The following EPS8L2 variants were observed in gnomAD, a reference collection of about 807,000 sequenced individuals.
EPS8L2 encodes the protein epidermal growth factor receptor kinase substrate 8-like protein 2.
EPS8L2 carries 81 observed loss-of-function variants against 99.4 expected under a neutral mutation model. The ratio of observed to expected loss-of-function variants is 0.82; its 90% CI spans 0.68 to 0.98. EPS8L2 has a LOEUF of 0.98. Among genes scored for constraint, EPS8L2 ranks in the 50% least tolerant of loss-of-function variants. The pLI is 0.00. For missense variants in EPS8L2, 1,155 were observed against 968.8 expected (o/e 1.19, Z -2.55); for synonymous variants, 509 against 407.3 (o/e 1.25, Z -3.01).
intron 5 of EPS8L2, 180 bp from the exon 6 acceptor site, chr11:720,417 C>G: frequency 8.7e-7 from 1 of 1,151,712 alleles, no homozygotes; most frequent in Admixed American, 2.4e-5. Context: ...GTTTGGAAGC[C>G]GGGGTCAGCC....
chr11:722,833 A>T, intron 14 of EPS8L2, 28 bp downstream of exon 14: 1 of 1,440,912 alleles, frequency 6.9e-7, no homozygotes, highest in African/African-American at 1.6e-5. Flanking sequence ...CCCCATCCCT[A>T]CCCCAGCCCC....
In EPS8L2 at chr11:720,760, G is replaced by A. The variant is rs747463415; in HGVS notation, c.477+14G>A. On this transcript the variant is annotated intron_variant, in intron 6 of 20. Coordinates refer to ENST00000318562, the MANE Select transcript of EPS8L2 (RefSeq NM_022772.4). ...GATGAGGTGGAGGTGAGGCGGTGCCGGGCGGGGCAGGGTGGGGCCCCGCCG... is the reference window on the plus strand; with the variant it reads ...GATGAGGTGGAGGTGAGGCGGTGCCAGGCGGGGCAGGGTGGGGCCCCGCCG... The A allele has an allele frequency of 1.4e-5, 21 of 1,539,368 alleles. No homozygotes were observed. Among genetic ancestry groups the A allele is most frequent in the Non-Finnish European group, 1.7e-5 (20 of 1,143,056 alleles).
At position 726,767 on chromosome 11, in the gene EPS8L2, C is replaced by T; in HGVS notation, c.2067+16C>T. The T allele has an allele frequency of 6.3e-7, 1 of 1,584,914 alleles. No homozygotes were observed. Among genetic ancestry groups the T allele is most frequent in the Non-Finnish European group, 8.6e-7 (1 of 1,167,234 alleles). ...CTTCCTGGAGGTGAGCCCGCCTGCG[C>T]TCCGGCGCCACGCCCCTCCTGCCCC... On this transcript the variant is annotated intron_variant, in intron 20 of 20. Coordinates refer to ENST00000318562, the MANE Select transcript of EPS8L2 (RefSeq NM_022772.4).
At chr11:710,355 A>G in intron 3 of EPS8L2, 67 bp from the exon 4 acceptor site, 1 of 1,492,454 alleles carries the variant, frequency 6.7e-7, no homozygotes, top group Non-Finnish European at 9.3e-7. Context: ...TTGTGGGTCC[A>G]GTCCCAACTG....
chr11:722,555 G>A lies in EPS8L2; in HGVS notation c.1208+6G>A. 1 of 1,612,538 alleles carries A rather than the reference G, an allele frequency of 6.2e-7. No homozygotes were observed. ...GAGAGCTGGATGCGGCCCCGGTAGG[G>A]CAGGGCAGAGCAGTGCCGGGGCTTC... On this transcript the variant is annotated splice_donor_region_variant and intron_variant, in intron 13 of 20. Transcript: ENST00000318562.
intron 4 of EPS8L2, among the ~76,000 whole-genome samples, chr11:715,841 C>T (rs572500245): frequency 2.6e-5 from 4 of 151,618 alleles, no homozygotes; most frequent in East Asian, 1.9e-4. Flanking sequence ...AGGATGGTCT[C>T]GATCTCATGA....
intron 10 of EPS8L2, 40 bp downstream of exon 10, chr11:721,731 GGGGCCAGCAGGTGCAGGGGACA>G (rs1485236522): frequency 4.7e-6 from 6 of 1,275,724 alleles, no homozygotes; most frequent in Middle Eastern, 4.0e-4. Flanking sequence ...TGCAGGGGAC[GGGGCCAGCAGGTGCAGGGGACA>G]GGGACGGGGA....
chr11:724,365 A>C lies in EPS8L2; in HGVS notation c.1455-359A>C, dbSNP rs1862262595. Among the ~76,000 whole-genome samples the C allele has an allele frequency of 6.6e-6, 1 of 152,134 alleles. No individual in the cohort carries two copies. Among genetic ancestry groups the C allele is most frequent in the Non-Finnish European group, 1.5e-5 (1 of 68,012 alleles). ...GAAGACATGCTGGCCCTCACTGGCC[A>C]GCTGCGGGGAGCTGTGACCCTGGCG... On this transcript the variant is annotated intron_variant, in intron 15 of 20. Coordinates refer to ENST00000318562, the MANE Select transcript of EPS8L2 (RefSeq NM_022772.4). This position sits in a 1 kb window ranked among gnomAD's most constrained non-coding sequence, Gnocchi z 5.5.
At position 726,081 on chromosome 11, in the gene EPS8L2, G is replaced by A. The variant is rs1862309428; in HGVS notation, c.1681-17G>A. On this transcript the variant is annotated splice_polypyrimidine_tract_variant and intron_variant, in intron 17 of 20. Coordinates refer to ENST00000318562, the MANE Select transcript of EPS8L2 (RefSeq NM_022772.4). ...GGGGCGGGGCGTGGGGAGCCTAATC[G>A]CCCCCCGCCCCCGCAGGCCGGTCAG... 2 of 1,516,746 alleles carry A rather than the reference G, an allele frequency of 1.3e-6. No homozygotes were observed. Among genetic ancestry groups the A allele is most frequent in the South Asian group, 1.2e-5 (1 of 85,230 alleles). The allele number at this position is 1,516,746 out of a possible 1,614,324, so 94.0% of individuals were successfully genotyped here. A position where few individuals can be genotyped will look rare whatever the true frequency, so the allele number is the denominator to read the frequency against.
chr11:725,974 C>A, intron 17 of EPS8L2, 124 bp from the exon 18 acceptor site: 1 of 1,348,044 alleles, frequency 7.4e-7, no homozygotes, highest in Non-Finnish European at 9.9e-7. Context: ...GCTCCCTGGG[C>A]AGAAGGAAAG....
rs924552032 is a variant in EPS8L2 at position 724,942 on chromosome 11, G to A, written c.1560+113G>A. ...GGGCCAGGCTGGGTGATGCCAGGACGGGGCACAGCTGCTGGCCCCTTTCTC... is the reference window on the plus strand; with the variant it reads ...GGGCCAGGCTGGGTGATGCCAGGACAGGGCACAGCTGCTGGCCCCTTTCTC... On this transcript the variant is annotated intron_variant, in intron 16 of 20. Transcript: ENST00000318562. The surrounding 1 kb of genome is among the most constrained non-coding windows in gnomAD (Gnocchi z 5.5). 1.6e-5 allele frequency: 12 copies of A among 757,974 alleles called. No homozygotes were observed. Among genetic ancestry groups the A allele is most frequent in the Admixed American group, 2.1e-5 (1 of 47,738 alleles). 47.0% of individuals were successfully genotyped at this position (757,974 alleles called of 1,614,324 possible).
In EPS8L2 at chr11:709,442, G is replaced by A; in HGVS notation, c.35G>A (p.Gly12Asp). 6.3e-7 allele frequency: 1 copy of A among 1,597,554 alleles called. No homozygotes were observed. Among genetic ancestry groups the A allele is most frequent in the Non-Finnish European group, 8.5e-7 (1 of 1,173,412 alleles). Residue 12 changes from glycine to aspartate, a missense_variant, in exon 2 of 21, where the codon GGT (glycine) becomes GAT (aspartate). Transcript: ENST00000318562. ...TCCGGGGCCGTGAGCTGCTGCCCGG[G>A]TGCCACCAAGTGAGCCCTCCCACCC... Reference protein sequence around the residue: ...SQSGAVSCCPGATNGSLGRSD... With the variant: ...SQSGAVSCCPDATNGSLGRSD...
At chr11:715,156 GGC>G (rs1861988940) in intron 4 of EPS8L2, among the ~76,000 whole-genome samples, 1 of 152,004 alleles carries the variant, frequency 6.6e-6, no homozygotes, top group South Asian at 2.1e-4. Flanking sequence ...GCAGGAGAAT[GGC>G]GTGAACCCCG....
Position 726,674 on chromosome 11 carries a change from G to C in EPS8L2, c.1990G>C (p.Glu664Gln). 1.3e-6 allele frequency: 2 copies of C among 1,577,176 alleles called. No homozygotes were observed. Among genetic ancestry groups the C allele is most frequent in the Non-Finnish European group, 1.7e-6 (2 of 1,162,634 alleles). ...GCCGCAGCTCTTCTCCCTCAACAAGGAGGAGCTGAAGAAAGTGTGCGGCGA... is the reference window on the plus strand; with the variant it reads ...GCCGCAGCTCTTCTCCCTCAACAAGCAGGAGCTGAAGAAAGTGTGCGGCGA... ...TGPQLFSLNK[E>Q]ELKKVCGEEG... Residue 664 changes from glutamate to glutamine, a missense_variant, in exon 20 of 21, where the codon GAG becomes CAG. Transcript: ENST00000318562.
rs1192316939 is a variant in EPS8L2, at chr11:722,165, G to T, written c.1059G>T (p.Leu353=). The T allele has an allele frequency of 1.9e-5, 30 of 1,611,870 alleles. No individual in the cohort carries two copies. Among genetic ancestry groups the T allele is most frequent in the Non-Finnish European group, 2.5e-5 (29 of 1,179,490 alleles). ...LVHFLFGPLD[L]IVNTCSGPDI... ...ACTTCCTCTTCGGGCCTCTGGACCTGGTGCCTGGGGCCGGGCGGCAGGGGC... is the reference window on the plus strand; with the variant it reads ...ACTTCCTCTTCGGGCCTCTGGACCTTGTGCCTGGGGCCGGGCGGCAGGGGC... Residue 353 remains leucine, a splice_region_variant and synonymous_variant, in exon 12 of 21, where the codon CTG becomes CTT. Transcript: ENST00000318562.
intron 3 of EPS8L2, 76 bp from the exon 4 acceptor site, chr11:710,346 T>G: frequency 7.1e-7 from 1 of 1,416,228 alleles, no homozygotes; most frequent in Non-Finnish European, 1.0e-6. Flanking sequence ...CACCTTCCCT[T>G]GTGGGTCCAG....
intron 10 of EPS8L2, 61 bp downstream of exon 10, chr11:721,752 C>T: frequency 1.3e-6 from 2 of 1,484,472 alleles, no homozygotes; most frequent in Non-Finnish European, 1.9e-6. Flanking sequence ...GTGCAGGGGA[C>T]AGGGACGGGG....
At position 722,516 on chromosome 11, in the gene EPS8L2, G is replaced by T. The variant is rs1413796631; in HGVS notation, c.1175G>T (p.Trp392Leu). ...GHLVPKEMSL[W>L]ESLGESWMRP... is the part of the protein sequence containing the mutation. ...CTGGTCCCTAAGGAGATGTCGCTGT[G>T]GGAGTCACTGGGAGAGAGCTGGATG... The change falls in exon 13 of 21, where the codon TGG becomes TTG. Residue 392 changes from tryptophan to leucine, a missense_variant. Coordinates refer to ENST00000318562, the MANE Select transcript of EPS8L2 (RefSeq NM_022772.4). 1 of 1,613,238 alleles carries T rather than the reference G, an allele frequency of 6.2e-7. No individual in the cohort carries two copies. The highest frequency in any genetic ancestry group is 1.1e-5 in the South Asian group (1 of 91,080).
chr11:716,607 T>C (rs566181389), intron 4 of EPS8L2, among the ~76,000 whole-genome samples: 2 of 152,364 alleles, frequency 1.3e-5, no homozygotes, highest in Admixed American at 1.3e-4. Flanking sequence ...CATGGAAAGC[T>C]CTACATTCTC....
Sources: gnomAD v4.1 joint callset for allele counts (sites outside exome capture counted in the v4.1 genomes callset) on GRCh38, gnomAD v4.1.1 for gene constraint, Gnocchi (gnomAD v3.1) non-coding constraint, MANE v1.5 for transcripts, NCBI Gene and HGNC (gene_info 2026-07-23, HGNC 2026-07-21) for gene names.